Variants in IFTAP observed in about 807,000 individuals in gnomAD.
The protein encoded by IFTAP is intraflagellar transport associated protein.
In IFTAP, 19 loss-of-function variants were observed where a neutral mutation model predicts 19.4. The ratio of observed to expected loss-of-function variants is 0.98; its 90% CI spans 0.68 to 1.44. The LOEUF (loss-of-function observed/expected upper bound fraction) is 1.44. Ranked by LOEUF, IFTAP falls within the 40% of genes most tolerant of loss-of-function variation. IFTAP has a pLI of 0.00. For missense variants in IFTAP, 240 were observed against 253.6 expected (o/e 0.95, Z 0.36); for synonymous variants, 85 against 83.5 (o/e 1.02, Z -0.10).
At chr11:36,598,671 A>G (rs1851385519) in intron 1 of IFTAP, among the ~76,000 whole-genome samples, 1 of 152,182 alleles carries the variant, frequency 6.6e-6, no homozygotes, top group Admixed American at 6.5e-5. Flanking sequence ...CCAACTTTAT[A>G]TCAGGCAGCT....
chr11:36,607,776 C>T (rs537480455), intron 1 of IFTAP, among the ~76,000 whole-genome samples: 2 of 152,184 alleles, frequency 1.3e-5, no homozygotes, highest in African/African-American at 2.4e-5. Flanking sequence ...CAGGTTCAAG[C>T]GATTCTCCTG....
intron 1 of IFTAP, among the ~76,000 whole-genome samples, chr11:36,605,918 C>T (rs1294810671): frequency 3.3e-5 from 5 of 152,116 alleles, no homozygotes; most frequent in African/African-American, 7.2e-5. Context: ...AAAAATACTT[C>T]GTGATAAAAA....
chr11:36,595,005 G>C (rs963287110), intron 1 of IFTAP: 1 of 152,180 alleles, frequency 6.6e-6, no homozygotes, highest in Admixed American at 6.5e-5. Flanking sequence ...TGAATCCCTA[G>C]AGTGCAGGGG....
intron 4 of IFTAP, among the ~76,000 whole-genome samples, chr11:36,638,712 G>C (rs749651836): frequency 1.3e-5 from 2 of 152,164 alleles, no homozygotes; most frequent in Non-Finnish European, 2.9e-5. Context: ...GCAGCTGGGA[G>C]GTTTACTGAT....
At chr11:36,605,259 GT>G (rs1851650806) in intron 1 of IFTAP, among the ~76,000 whole-genome samples, 1 of 151,264 alleles carries the variant, frequency 6.6e-6, no homozygotes, top group Non-Finnish European at 1.5e-5. Flanking sequence ...AACTCTCAGA[GT>G]TTTTAACCAC....
intron 2 of IFTAP, among the ~76,000 whole-genome samples, chr11:36,629,017 G>A (rs373710878): frequency 2.6e-5 from 4 of 151,320 alleles, no homozygotes; most frequent in African/African-American, 7.4e-5. Flanking sequence ...TTTGTCTGCC[G>A]AATTTAGCTT....
At chr11:36,658,003 G>A (rs898738225) in intron 5 of IFTAP, among the ~76,000 whole-genome samples, 2 of 152,212 alleles carry the variant, frequency 1.3e-5, no homozygotes, top group African/African-American at 4.8e-5. Flanking sequence ...ACAGATAGGA[G>A]ATAACTACTC....
chr11:36,633,494 T>C, intron 3 of IFTAP, 56 bp downstream of exon 3: 1 of 1,338,586 alleles, frequency 7.5e-7, no homozygotes, highest in Non-Finnish European at 9.8e-7. Flanking sequence ...GAATTCTTCA[T>C]GAATCAAAAA....
intron 2 of IFTAP, among the ~76,000 whole-genome samples, chr11:36,622,568 T>C (rs568744720): frequency 2.0e-5 from 3 of 152,248 alleles, no homozygotes; most frequent in East Asian, 1.9e-4. Flanking sequence ...TACTAATTTC[T>C]TAAGACCACA....
intron 1 of IFTAP, among the ~76,000 whole-genome samples, chr11:36,602,469 G>GA (rs1397204507): frequency 6.6e-6 from 1 of 152,170 alleles, no homozygotes; most frequent in African/African-American, 2.4e-5. Flanking sequence ...CCTTTAGTGG[G>GA]ACATTGTATC....
chr11:36,629,211 G>A (rs1852636369), intron 2 of IFTAP, among the ~76,000 whole-genome samples: 1 of 151,416 alleles, frequency 6.6e-6, no homozygotes, highest in South Asian at 2.1e-4. Flanking sequence ...CTCTAGGCAA[G>A]GAGTGTAATG....
At position 36,625,647 on chromosome 11, in the gene IFTAP, A is replaced by T. The variant is rs147863515; in HGVS notation, c.137-7637A>T. On this transcript the variant is annotated intron_variant, in intron 2 of 5. Coordinates refer to ENST00000334307, the MANE Select transcript of IFTAP (RefSeq NM_138787.4). The stretch of plus-strand genomic sequence containing the variant: ...TTTGGTAAATGTTTGTTGAATATCT[A>T]CTATGTGCTAAATGTTACTCACAGA... 1.1e-4 allele frequency among the ~76,000 whole-genome samples: 17 copies of T among 152,292 alleles called. No homozygotes were observed. In the East Asian group the frequency reaches 1.7e-3, roughly 16 times the overall value.
At chr11:36,614,689 A>G (rs1261794432) in intron 2 of IFTAP, among the ~76,000 whole-genome samples, 3 of 147,646 alleles carry the variant, frequency 2.0e-5, no homozygotes, top group East Asian at 3.9e-4. Context: ...GCATTTTTTC[A>G]TGTGTTTTTT....
At chr11:36,620,427 G>C (rs572673684) in intron 2 of IFTAP, among the ~76,000 whole-genome samples, 21 of 152,026 alleles carry the variant, frequency 1.4e-4, no homozygotes, top group Admixed American at 2.0e-4. Context: ...TACACTTAGG[G>C]AACAAATTGA....
intron 2 of IFTAP, among the ~76,000 whole-genome samples, chr11:36,622,904 G>A (rs548971302): frequency 1.3e-5 from 2 of 152,104 alleles, no homozygotes; most frequent in Non-Finnish European, 2.9e-5. Flanking sequence ...GTACATGTAC[G>A]TGGTATATTG....
At chr11:36,596,222 G>GTTTTTTTTTTTTTTT (rs67282079) in intron 1 of IFTAP, among the ~76,000 whole-genome samples, 5 of 118,362 alleles carry the variant, frequency 4.2e-5, no homozygotes, top group African/African-American at 9.3e-5. Flanking sequence ...TTTTTTTTTT[G>GTTTTTTTTTTTTTTT]TTTTTTTTTT....
rs1327371388 is a variant in IFTAP at position 36,610,088 on chromosome 11, G to A, written c.-16G>A. 3 of 1,611,718 alleles carry A rather than the reference G, an allele frequency of 1.9e-6. No individual in the cohort carries two copies. The highest frequency in any genetic ancestry group is 1.1e-5 in the South Asian group (1 of 90,890). ...TATTTTTCTGTCTTGCAGATACTGTGGCCTCATGAATAGGAATGTCTGCCC... is the reference window on the plus strand; with the variant it reads ...TATTTTTCTGTCTTGCAGATACTGTAGCCTCATGAATAGGAATGTCTGCCC... On this transcript the variant is annotated 5_prime_UTR_variant, in exon 2 of 6. Transcript: ENST00000334307.
chr11:36,644,237 C>T (rs141974766), intron 4 of IFTAP, among the ~76,000 whole-genome samples: 1,559 of 152,188 alleles, frequency 0.01, 26 homozygotes, highest in African/African-American at 0.036. Flanking sequence ...AGCCAACGGG[C>T]ACATGAAAAA....
chr11:36,649,469 T>A (rs1853618575), intron 5 of IFTAP, among the ~76,000 whole-genome samples: 1 of 152,162 alleles, frequency 6.6e-6, no homozygotes, highest in Non-Finnish European at 1.5e-5. Context: ...TTGACTTCAC[T>A]TGTGGCCATA....
Sources: gnomAD v4.1 joint callset for allele counts (sites outside exome capture counted in the v4.1 genomes callset) on GRCh38, gnomAD v4.1.1 for gene constraint, MANE v1.5 for transcripts, NCBI Gene and HGNC (gene_info 2026-07-23, HGNC 2026-07-21) for gene names.